NCOA1: variants seen among roughly 807,000 people sequenced by gnomAD.
NCOA1 encodes Hin-2 protein.
A neutral mutation model predicts 150.9 loss-of-function variants in NCOA1; 35 were observed. The observed-to-expected ratio is 0.23, with a 90% CI of 0.18 to 0.31. The LOEUF (loss-of-function observed/expected upper bound fraction) is 0.31, where lower values mean the gene tolerates loss of function less well. Among genes scored for constraint, NCOA1 ranks in the 10% least tolerant of loss-of-function variants. The pLI is 1.00. For synonymous variants in NCOA1, 590 were observed against 630.0 expected, an observed-to-expected ratio of 0.94 and a Z score of 0.95; for missense variants, 1,491 against 1,749.3, an observed-to-expected ratio of 0.85 and a Z score of 2.63.
At chr2:24,595,817 A>G (rs569524962) in intron 3 of NCOA1, among the ~76,000 whole-genome samples, 1 of 152,140 alleles carries the variant, frequency 6.6e-6, no homozygotes, top group Non-Finnish European at 1.5e-5. Flanking sequence ...CAAAGCTTTT[A>G]TGGGCACAAT....
At chr2:24,669,671 A>G (rs1004251402) in intron 6 of NCOA1, among the ~76,000 whole-genome samples, 12 of 152,246 alleles carry the variant, frequency 7.9e-5, no homozygotes, top group African/African-American at 2.9e-4. Flanking sequence ...CACCATAATA[A>G]TAAAAAGATA....
At chr2:24,635,282 G>A (rs559008966) in intron 3 of NCOA1, among the ~76,000 whole-genome samples, 6 of 151,696 alleles carry the variant, frequency 4.0e-5, no homozygotes, top group Non-Finnish European at 8.8e-5. Context: ...GATTCATCAT[G>A]TACTTTTCTG....
chr2:24,582,227 T>A (rs187235971), intron 2 of NCOA1, among the ~76,000 whole-genome samples: 24 of 152,266 alleles, frequency 1.6e-4, no homozygotes, highest in South Asian at 1.2e-3. Context: ...CCACTTTTTT[T>A]AATCAGTTTT....
chr2:24,634,925 C>T (rs1669875687), intron 3 of NCOA1, among the ~76,000 whole-genome samples: 1 of 151,996 alleles, frequency 6.6e-6, no homozygotes. Flanking sequence ...CTTTGTTGCC[C>T]AAGCTATTCT....
chr2:24,505,195 T>C (rs868194632), intron 1 of NCOA1, among the ~76,000 whole-genome samples: 1 of 151,944 alleles, frequency 6.6e-6, no homozygotes, highest in Non-Finnish European at 1.5e-5. Context: ...TTTTTTCTTT[T>C]TTTTTTTTGA....
Position 24,769,544 on chromosome 2 carries a change from A to G in NCOA1, c.*1153A>G, listed in dbSNP as rs1485359341. ...AGAGTGTCCCTGGGATCATCTGAACAGAAGTGCACAGGCTACTTGTACAGA... is the reference window on the plus strand; with the variant it reads ...AGAGTGTCCCTGGGATCATCTGAACGGAAGTGCACAGGCTACTTGTACAGA... On this transcript the variant is annotated 3_prime_UTR_variant, in exon 23 of 23. Transcript: ENST00000348332. The G allele has an allele frequency of 9.9e-6, 2 of 202,164 alleles. No homozygotes were observed. Among genetic ancestry groups the G allele is most frequent in the Admixed American group, 1.2e-4 (2 of 16,672 alleles). 12.5% of individuals were successfully genotyped at this position (202,164 alleles called of 1,614,324 possible).
At chr2:24,660,148 TCAAGATG>T (rs1252493777) in intron 5 of NCOA1, among the ~76,000 whole-genome samples, 1 of 152,156 alleles carries the variant, frequency 6.6e-6, no homozygotes, top group Non-Finnish European at 1.5e-5. Flanking sequence ...AAGGTTGAGA[TCAAGATG>T]CAATCTAGAA....
Position 24,576,170 on chromosome 2 carries a change from G to GTTTTTGTTTTTTTTTTTTTTTTTTTTTT in NCOA1, c.-259-8301_-259-8300insGTTTTTTTTTTTTTTTTTTTTTTTTTTT, listed in dbSNP as rs1666967476. On this transcript the variant is annotated intron_variant, in intron 2 of 22. Transcript: ENST00000348332. ...CTTTGTTTTTTTTTTTTTGTTTTTT[G>GTTTTTGTTTTTTTTTTTTTTTTTTTTTT]TTTTTTTTTTTTTTTTTTTTTGTTT... Among the ~76,000 whole-genome samples, 21 of 46,298 alleles carry GTTTTTGTTTTTTTTTTTTTTTTTTTTTT rather than the reference G, an allele frequency of 4.5e-4. 1 individual carries two copies. Among genetic ancestry groups the GTTTTTGTTTTTTTTTTTTTTTTTTTTTT allele is most frequent in the African/African-American group, 1.3e-3 (20 of 15,700 alleles). The allele number at this position is 46,298 out of a possible 152,430, so 30.4% of individuals were successfully genotyped here.
chr2:24,579,375 A>G (rs755491360), intron 2 of NCOA1, among the ~76,000 whole-genome samples: 2 of 152,214 alleles, frequency 1.3e-5, no homozygotes, highest in South Asian at 2.1e-4. Context: ...CTAACGAGGT[A>G]GGACTTTATT....
chr2:24,505,974 A>C (rs1218877852), intron 1 of NCOA1, among the ~76,000 whole-genome samples: 1 of 151,954 alleles, frequency 6.6e-6, no homozygotes, highest in Non-Finnish European at 1.5e-5. Context: ...AGACTCACTC[A>C]CACACACACT....
intron 20 of NCOA1, among the ~76,000 whole-genome samples, chr2:24,755,402 T>C (rs1188019951): frequency 3.3e-5 from 5 of 152,278 alleles, no homozygotes; most frequent in Admixed American, 6.5e-5. Flanking sequence ...TGTTTAACCT[T>C]TTGTTTCTCA....
Position 24,706,786 on chromosome 2 carries a change from G to C in NCOA1, c.1316G>C (p.Gly439Ala), listed in dbSNP as rs541708132. ...CATAGTAATTCTAGCAACAGCCAAG[G>C]AAGTTTCGGATGCTCACCCGGAAGT... ...SSHSNSSNSQ[G>A]SFGCSPGSQI... The change falls in exon 13 of 23, where the codon GGA becomes GCA. Residue 439 changes from glycine (G) to alanine (A), a missense_variant. Transcript: ENST00000348332. 2.5e-6 allele frequency: 4 copies of C among 1,614,050 alleles called. No homozygotes were observed.
intron 1 of NCOA1, among the ~76,000 whole-genome samples, chr2:24,537,429 T>C (rs556693405): frequency 6.6e-6 from 1 of 152,090 alleles, no homozygotes; most frequent in Non-Finnish European, 1.5e-5. Context: ...TATATGTGTG[T>C]GTGTGTATAT....
At chr2:24,644,687 AAGACAG>A (rs1460844589) in intron 4 of NCOA1, among the ~76,000 whole-genome samples, 2 of 152,174 alleles carry the variant, frequency 1.3e-5, no homozygotes, top group Non-Finnish European at 2.9e-5. Context: ...GTACCAAGCC[AAGACAG>A]TAGATAAAAG....
chr2:24,745,800 T>C (rs1663888164), intron 19 of NCOA1, among the ~76,000 whole-genome samples: 1 of 152,236 alleles, frequency 6.6e-6, no homozygotes, highest in Admixed American at 6.5e-5. Context: ...TTCCCTTTTA[T>C]AGTTCTGTGT....
At chr2:24,727,392 G>A (rs1215623509) in intron 15 of NCOA1, among the ~76,000 whole-genome samples, 1 of 151,950 alleles carries the variant, frequency 6.6e-6, no homozygotes, top group African/African-American at 2.4e-5. Context: ...TTATTATTTT[G>A]TCCAGCATTT....
intron 19 of NCOA1, among the ~76,000 whole-genome samples, chr2:24,746,954 A>G (rs1558335642): frequency 6.6e-6 from 1 of 152,188 alleles, no homozygotes; most frequent in Non-Finnish European, 1.5e-5. Context: ...AATAAACCCT[A>G]TCTAGTGAAA....
chr2:24,695,144 C>T (rs1672839241), intron 10 of NCOA1, among the ~76,000 whole-genome samples: 1 of 152,030 alleles, frequency 6.6e-6, no homozygotes, highest in African/African-American at 2.4e-5. Context: ...CCCATAAGAA[C>T]AGTGTTATCC....
At position 24,506,111 on chromosome 2, in the gene NCOA1, T is replaced by A. The variant is rs563354102; in HGVS notation, c.-396+14509T>A. On this transcript the variant is annotated intron_variant, in intron 1 of 22. Coordinates refer to ENST00000348332, the MANE Select transcript of NCOA1 (RefSeq NM_003743.5). ...ACTCATCAGTTGCCCAATTTGCTTG[T>A]GCTGGTTTGCAAGTGTTCCTGTTGT... Among the ~76,000 whole-genome samples the A allele has an allele frequency of 2.6e-5, 4 of 152,132 alleles. No individual in the cohort carries two copies. The South Asian group carries it at 8.3e-4, about 32-fold the overall frequency.
Sources: allele counts gnomAD v4.1 joint callset (sites outside exome capture counted in the v4.1 genomes callset), GRCh38; gene constraint gnomAD v4.1.1; transcripts MANE v1.5; gene names NCBI Gene and HGNC (gene_info 2026-07-23, HGNC 2026-07-21).